Variants in MMS19 observed in about 807,000 individuals in gnomAD.
MMS19 encodes the protein MMS19 cytosolic iron-sulfur assembly component.
MMS19 carries 77 observed loss-of-function variants against 129.8 expected under a neutral mutation model. The observed-to-expected ratio is 0.59, with a 90% CI of 0.49 to 0.72. The LOEUF is 0.72. Among genes scored for constraint, MMS19 ranks in the 30% least tolerant of loss-of-function variants. The pLI is 0.00. For synonymous variants in MMS19, 491 were observed against 502.8 expected (o/e 0.98, Z 0.31); for missense variants, 1,168 against 1,266.3 (o/e 0.92, Z 1.18).
At chr10:97,480,365 C>A (rs1325519199) in intron 3 of MMS19, 1 of 443,576 alleles carries the variant, frequency 2.3e-6, no homozygotes. Flanking sequence ...CTCCTTAAAA[C>A]CAAAAAAACA....
intron 27 of MMS19, 59 bp downstream of exon 27, chr10:97,459,600 C>T: frequency 6.3e-7 from 1 of 1,599,052 alleles, no homozygotes; most frequent in Non-Finnish European, 8.5e-7. Flanking sequence ...CCCTTTCTAG[C>T]CCCATCTGGG....
At chr10:97,461,805 A>G (rs2032030928) in intron 22 of MMS19, 23 bp downstream of exon 22, 1 of 1,600,750 alleles carries the variant, frequency 6.2e-7, no homozygotes, top group Non-Finnish European at 8.5e-7. Flanking sequence ...AAATAACAGT[A>G]CTTCCCAAAT....
intron 1 of MMS19, among the ~76,000 whole-genome samples, chr10:97,493,980 A>G (rs1175715974): frequency 6.6e-6 from 1 of 152,164 alleles, no homozygotes; most frequent in African/African-American, 2.4e-5. Context: ...GCACCATTGC[A>G]CTCCAGCCTG....
chr10:97,482,728 G>A (rs141714881), intron 2 of MMS19, among the ~76,000 whole-genome samples: 9,258 of 133,140 alleles, frequency 0.07, 410 homozygotes, highest in African/African-American at 0.11. Flanking sequence ...GTGTGTGTGT[G>A]TATATATATA....
chr10:97,487,364 G>A (rs1034356885), intron 1 of MMS19, among the ~76,000 whole-genome samples: 1 of 146,194 alleles, frequency 6.8e-6, no homozygotes, highest in Non-Finnish European at 1.5e-5. Flanking sequence ...TTTCGCCCAG[G>A]CCAGAGTGCG....
intron 11 of MMS19, 83 bp from the exon 12 acceptor site, chr10:97,469,187 G>C (rs2034175989): frequency 6.8e-7 from 1 of 1,481,108 alleles, no homozygotes; most frequent in East Asian, 2.5e-5. Context: ...TTCCTTGTTG[G>C]AGAGGGGAGT....
rs1391433334 is a variant in MMS19 at position 97,461,422 on chromosome 10, G to C, written c.2311+74C>G. ...TATTAGCAAGCTCCTTTTAAAAAGA[G>C]AATGAGTACTGAGCTATAAGATTTC... On this transcript the variant is annotated intron_variant, in intron 23 of 30. Transcript: ENST00000438925. 2.0e-6 allele frequency: 3 copies of C among 1,519,330 alleles called. No individual in the cohort carries two copies. In the South Asian group the frequency reaches 3.6e-5, roughly 18 times the overall value. 94.1% of individuals were successfully genotyped at this position (1,519,330 alleles called of 1,614,324 possible). A position where few individuals can be genotyped will look rare whatever the true frequency, so the allele number is the denominator to read the frequency against.
Position 97,460,246 on chromosome 10 carries a change from A to G in MMS19, c.2470-14T>C, listed in dbSNP as rs2031390811. On this transcript the variant is annotated splice_polypyrimidine_tract_variant and intron_variant, in intron 25 of 30. Transcript: ENST00000438925. ...GAGGCCCATGAGCTGGAGAAAAAAGAGCCTTTGAGGTACATCAGGGAAGAA... is the reference window on the plus strand; with the variant it reads ...GAGGCCCATGAGCTGGAGAAAAAAGGGCCTTTGAGGTACATCAGGGAAGAA... 3 of 1,607,694 alleles carry G rather than the reference A, an allele frequency of 1.9e-6. No individual in the cohort carries two copies. Among genetic ancestry groups the G allele is most frequent in the Non-Finnish European group, 2.6e-6 (3 of 1,175,998 alleles).
intron 2 of MMS19, among the ~76,000 whole-genome samples, chr10:97,482,409 G>A (rs1460980702): frequency 6.6e-6 from 1 of 152,108 alleles, no homozygotes; most frequent in East Asian, 1.9e-4. Flanking sequence ...CCAAAAACAT[G>A]CTAAGTGAAA....
chr10:97,469,838 A>G, intron 10 of MMS19, 115 bp from the exon 11 acceptor site: 2 of 837,960 alleles, frequency 2.4e-6, no homozygotes, highest in Non-Finnish European at 3.8e-6. Flanking sequence ...AAAACCAGTT[A>G]AGATTTTTAA....
At position 97,459,730 on chromosome 10, in the gene MMS19, T is replaced by C; in HGVS notation, c.2668A>G (p.Asn890Asp). The C allele has an allele frequency of 1.2e-6, 2 of 1,611,054 alleles. No homozygotes were observed. The highest frequency in any genetic ancestry group is 1.7e-6 in the Non-Finnish European group (2 of 1,178,566). Residue 890 changes from asparagine (N) to aspartate (D), a missense_variant, in exon 27 of 31, where the codon AAC (asparagine) becomes GAC (aspartate). Asn to Asp is a conservative substitution (Grantham distance 23). Coordinates refer to ENST00000438925, the MANE Select transcript of MMS19 (RefSeq NM_022362.5). Reference sequence around the variant, plus strand: ...ACATGAGAAAGACCCTTCAAGTAGTTTGGCTTCACATCTGTAAAAAATGGA... The same window carrying C: ...ACATGAGAAAGACCCTTCAAGTAGTCTGGCTTCACATCTGTAAAAAATGGA... Reference protein sequence around the residue: ...FHAAPQDVKPNYLKGLSHVLN... With the variant: ...FHAAPQDVKPDYLKGLSHVLN...
chr10:97,465,766 A>T lies in MMS19; in HGVS notation c.1756+39T>A, dbSNP rs372041301. On this transcript the variant is annotated intron_variant, in intron 18 of 30. Coordinates refer to ENST00000438925, the MANE Select transcript of MMS19 (RefSeq NM_022362.5). ...ACTGCCTTAGAGACTACAGCTCCCT[A>T]TTCAGCCCAGTCCGTTGGTGGTTAT... 49 of 1,591,896 alleles carry T rather than the reference A, an allele frequency of 3.1e-5. No individual in the cohort carries two copies. In the African/African-American group the frequency reaches 5.5e-4, roughly 18 times the overall value.
intron 18 of MMS19, among the ~76,000 whole-genome samples, chr10:97,465,289 T>G (rs2033196918): frequency 6.6e-6 from 1 of 152,126 alleles, no homozygotes. Flanking sequence ...CATGTGCCAC[T>G]GCGCCCAACC....
Position 97,466,901 on chromosome 10 carries a change from T to G in MMS19, c.1298A>C (p.Asp433Ala), listed in dbSNP as rs750703480. The G allele has an allele frequency of 6.2e-7, 1 of 1,613,824 alleles. No homozygotes were observed. The highest frequency in any genetic ancestry group is 2.2e-5 in the East Asian group (1 of 44,878). Residue 433 changes from aspartate to alanine, a missense_variant and splice_region_variant, in exon 15 of 31, where the codon GAT (aspartate) becomes GCT (alanine). Physicochemically the swap from Asp to Ala is moderately radical, Grantham distance 126. Coordinates refer to ENST00000438925, the MANE Select transcript of MMS19 (RefSeq NM_022362.5). ...CTTGAAGCCATTCAGAGGCCTTTGA[T>G]CTAGGGAAGAGACAGAGGCCAGGTT... Reference protein sequence around the residue: ...LQQKWSYEDKDQRPLNGFKDQ... With the variant: ...LQQKWSYEDKAQRPLNGFKDQ...
rs144393926 is a variant in MMS19 at position 97,462,069 on chromosome 10, T to C, written c.2063A>G (p.Asn688Ser). ...GCTGTTTTCAGGCAGAAAGGACACGTTGCCATCCAAGAAGAGGGGCACAAT... is the reference window on the plus strand; with the variant it reads ...GCTGTTTTCAGGCAGAAAGGACACGCTGCCATCCAAGAAGAGGGGCACAAT... ...THIVPLFLDG[N>S]VSFLPENSFP... is the part of the protein sequence containing the mutation. Residue 688 changes from asparagine (N) to serine (S), a missense_variant, in exon 21 of 31, where the codon AAC becomes AGC. By Grantham distance (46) the Asn-to-Ser change is conservative. Around this residue, in one of 3 missense-constraint regions of MMS19, gnomAD observed 831 missense variants for 910.8 expected, o/e 0.91. Transcript: ENST00000438925. 3.2e-4 allele frequency: 512 copies of C among 1,592,032 alleles called. No individual in the cohort carries two copies. Among genetic ancestry groups the C allele is most frequent in the South Asian group, 4.1e-4 (36 of 87,150 alleles).
At position 97,466,815 on chromosome 10, in the gene MMS19, C is replaced by T. The variant is rs368992028; in HGVS notation, c.1384G>A (p.Val462Ile). The T allele has an allele frequency of 6.2e-7, 1 of 1,614,020 alleles. No individual in the cohort carries two copies. The highest frequency in any genetic ancestry group is 8.5e-7 in the Non-Finnish European group (1 of 1,179,886). Residue 462 changes from valine (V) to isoleucine (I), a missense_variant, in exon 15 of 31, where the codon GTT becomes ATT. Physicochemically the swap from Val to Ile is conservative, Grantham distance 29. Coordinates refer to ENST00000438925, the MANE Select transcript of MMS19 (RefSeq NM_022362.5). ...AAGACTGTCAGTGTACGGATGCCAA[C>T]AAGCTGAAGCTGGGTGCTGGGGTCT... ...LTDPSTQLQL[V>I]GIRTLTVLGA...
intron 1 of MMS19, among the ~76,000 whole-genome samples, 198 bp from the exon 2 acceptor site, chr10:97,484,349 G>T (rs1242021818): frequency 6.6e-6 from 1 of 151,928 alleles, no homozygotes; most frequent in Non-Finnish European, 1.5e-5. Flanking sequence ...AAATTGAAAA[G>T]AAAATAAATA....
intron 5 of MMS19, 54 bp from the exon 6 acceptor site, chr10:97,477,470 G>C (rs1301103566): frequency 1.5e-5 from 24 of 1,612,634 alleles, no homozygotes; most frequent in Non-Finnish European, 2.0e-5. Context: ...TACCTCAGCT[G>C]ACACAGCTAG....
chr10:97,478,547 T>C (rs1014251824), intron 3 of MMS19, among the ~76,000 whole-genome samples, 158 bp from the exon 4 acceptor site: 2 of 152,220 alleles, frequency 1.3e-5, no homozygotes, highest in East Asian at 3.8e-4. Context: ...CATTTGAAGG[T>C]AGACACCTGA....
Sources: gnomAD v4.1 joint callset for allele counts (sites outside exome capture counted in the v4.1 genomes callset) on GRCh38, gnomAD v4.1.1 for gene constraint, gnomAD v4.1.1 regional missense constraint, MANE v1.5 for transcripts, NCBI Gene and HGNC (gene_info 2026-07-23, HGNC 2026-07-21) for gene names.